The following RPS6KA2 variants were observed in gnomAD, a reference collection of about 807,000 sequenced individuals.
RPS6KA2 encodes ribosomal protein S6 kinase alpha-2.
A neutral mutation model predicts 91.8 loss-of-function variants in RPS6KA2; 42 were observed. That is an observed-to-expected ratio of 0.46 (90% CI 0.36 to 0.59). The LOEUF is 0.59. RPS6KA2 is among the 20% of genes least tolerant of loss of function. The pLI is 0.00. For missense variants in RPS6KA2, 798 were observed against 978.5 expected (o/e 0.82, Z 2.46); for synonymous variants, 414 against 393.6 (o/e 1.05, Z -0.61).
intron 12 of RPS6KA2, among the ~76,000 whole-genome samples, chr6:166,457,504 C>T (rs551278909): frequency 6.6e-6 from 1 of 152,272 alleles, no homozygotes; most frequent in Admixed American, 6.5e-5. Context: ...TCCAAGGCAG[C>T]CTCATTACAT....
intron 10 of RPS6KA2, among the ~76,000 whole-genome samples, chr6:166,470,520 A>G (rs1408541369): frequency 6.6e-6 from 1 of 152,178 alleles, no homozygotes; most frequent in Non-Finnish European, 1.5e-5. Flanking sequence ...CTCCTCCCTT[A>G]CTTTGTTGCG....
At chr6:166,712,580 G>A (rs1455685345) in intron 2 of RPS6KA2, among the ~76,000 whole-genome samples, 5 of 152,186 alleles carry the variant, frequency 3.3e-5, no homozygotes, top group Admixed American at 6.5e-5. Flanking sequence ...AGAAAGAGAC[G>A]CACGGACGGG....
chr6:166,634,545 G>C (rs1320110745), intron 2 of RPS6KA2, among the ~76,000 whole-genome samples: 2 of 152,156 alleles, frequency 1.3e-5, no homozygotes, highest in East Asian at 3.8e-4. Flanking sequence ...ATTCCAACAT[G>C]ACCACAAACA....
chr6:166,745,605 G>A (rs1188901321), intron 2 of RPS6KA2, among the ~76,000 whole-genome samples: 1 of 152,170 alleles, frequency 6.6e-6, no homozygotes, highest in Non-Finnish European at 1.5e-5. Context: ...ATTTGCGAGG[G>A]CACAGTTCAG....
At chr6:166,829,081 G>A (rs542661046) in intron 2 of RPS6KA2, among the ~76,000 whole-genome samples, 3 of 152,164 alleles carry the variant, frequency 2.0e-5, no homozygotes, top group Admixed American at 6.5e-5. Flanking sequence ...TAAGCACACG[G>A]AGAAACGCTC....
intron 1 of RPS6KA2, among the ~76,000 whole-genome samples, chr6:166,595,767 C>A (rs1486727919): frequency 2.0e-5 from 3 of 152,088 alleles, no homozygotes; most frequent in Non-Finnish European, 2.9e-5. Flanking sequence ...GGAAGACAGG[C>A]AGAAAGATAT....
chr6:166,687,794 C>T (rs1339209641), intron 2 of RPS6KA2, among the ~76,000 whole-genome samples: 2 of 152,212 alleles, frequency 1.3e-5, no homozygotes, highest in African/African-American at 2.4e-5. Flanking sequence ...TCAGGATTTG[C>T]TCAATGCGTG....
At position 166,662,688 on chromosome 6, in the gene RPS6KA2, T is replaced by C. The variant is rs1356581171; in HGVS notation, c.124-123904A>G. On this transcript the variant is annotated intron_variant, in intron 2 of 21. Transcript: ENST00000503859. The surrounding 1 kb of genome is among the most constrained non-coding windows in gnomAD (Gnocchi z 4.3). ...TCTCTGGTTTAGCTTGTAAACCCAA[T>C]ATTTCATCATAATCCAGTAAACCAA... 6.6e-6 allele frequency among the ~76,000 whole-genome samples: 1 copy of C among 152,194 alleles called. No homozygotes were observed. The highest frequency in any genetic ancestry group is 1.5e-5 in the Non-Finnish European group (1 of 68,028).
At chr6:166,505,626 C>G (rs145214104) in intron 5 of RPS6KA2, among the ~76,000 whole-genome samples, 1 of 152,328 alleles carries the variant, frequency 6.6e-6, no homozygotes, top group East Asian at 1.9e-4. Context: ...AGCCAGGGGA[C>G]CTGAACGGTG....
intron 5 of RPS6KA2, among the ~76,000 whole-genome samples, chr6:166,506,654 C>T (rs1181850783): frequency 4.6e-5 from 7 of 152,182 alleles, no homozygotes; most frequent in South Asian, 2.1e-4. Context: ...GACTGCTGGA[C>T]GCAGAGGGAC....
chr6:166,475,301 C>A (rs1583182217), intron 10 of RPS6KA2, among the ~76,000 whole-genome samples: 1 of 152,172 alleles, frequency 6.6e-6, no homozygotes, highest in Non-Finnish European at 1.5e-5. Context: ...CCCTTGAGAG[C>A]CCCCACGCTC....
At chr6:166,773,630 C>T (rs1315807196) in intron 2 of RPS6KA2, among the ~76,000 whole-genome samples, 2 of 152,162 alleles carry the variant, frequency 1.3e-5, no homozygotes, top group African/African-American at 4.8e-5. Context: ...GAACTCCTGA[C>T]CTCAGGTGAT....
At chr6:166,630,048 G>A (rs1325427293), upstream of RPS6KA2, among the ~76,000 whole-genome samples, 2 of 152,176 alleles carry the variant, frequency 1.3e-5, no homozygotes, top group Non-Finnish European at 2.9e-5. Flanking sequence ...AATTGGCGAA[G>A]TCAAGGAGGA....
intron 2 of RPS6KA2, among the ~76,000 whole-genome samples, chr6:166,817,395 G>A (rs371776949): frequency 0.011 from 963 of 87,362 alleles, 15 homozygotes; most frequent in African/African-American, 0.028. Context: ...ACACACACAC[G>A]CATGTAAACA....
At chr6:166,641,561 T>C (rs1347917287) in intron 2 of RPS6KA2, among the ~76,000 whole-genome samples, 1 of 150,602 alleles carries the variant, frequency 6.6e-6, no homozygotes, top group Non-Finnish European at 1.5e-5. Context: ...CCATCTCTAC[T>C]AAAAATACAA....
intron 2 of RPS6KA2, among the ~76,000 whole-genome samples, chr6:166,697,244 G>C (rs937764963): frequency 2.0e-5 from 3 of 152,140 alleles, no homozygotes; most frequent in African/African-American, 7.2e-5. Context: ...ATAAGCTATA[G>C]GATATCCCCA....
chr6:166,562,514 A>G (rs1784373627), intron 1 of RPS6KA2, among the ~76,000 whole-genome samples: 1 of 152,144 alleles, frequency 6.6e-6, no homozygotes, highest in Non-Finnish European at 1.5e-5. Context: ...AGGAGTTCAG[A>G]CTCTGGTGAC....
At chr6:166,832,817 A>G (rs562185191) in intron 2 of RPS6KA2, among the ~76,000 whole-genome samples, 69 of 152,366 alleles carry the variant, frequency 4.5e-4, no homozygotes, top group African/African-American at 1.6e-3. Flanking sequence ...ATTACTTCCA[A>G]GCACTCATAA....
chr6:166,450,994 C>T, intron 13 of RPS6KA2, 109 bp downstream of exon 13: 1 of 1,318,224 alleles, frequency 7.6e-7, no homozygotes, highest in South Asian at 1.3e-5. Flanking sequence ...TAAAGTCCAC[C>T]CATCCTAAGC....
Sources: gnomAD v4.1 joint callset for allele counts (sites outside exome capture counted in the v4.1 genomes callset) on GRCh38, gnomAD v4.1.1 for gene constraint, Gnocchi (gnomAD v3.1) non-coding constraint, MANE v1.5 for transcripts, NCBI Gene and HGNC (gene_info 2026-07-23, HGNC 2026-07-21) for gene names.